The following PAH variants were observed in gnomAD, a reference collection of about 807,000 sequenced individuals.
The protein encoded by PAH is phenylalanine hydroxylase.
Under a neutral mutation model 62.0 loss-of-function variants are expected in PAH, and 64 were observed. The ratio of observed to expected loss-of-function variants is 1.03; its 90% CI spans 0.84 to 1.27. PAH has a LOEUF of 1.27. Ranked by LOEUF, PAH falls within the 50% of genes most tolerant of loss-of-function variation. The pLI is 0.00. For synonymous variants in PAH, 195 were observed against 196.2 expected, an observed-to-expected ratio of 0.99 and a Z score of 0.05; for missense variants, 579 against 542.8, an observed-to-expected ratio of 1.07 and a Z score of -0.66.
intron 8 of PAH, chr12:102,847,269 T>C (rs1874893194): frequency 2.5e-6 from 1 of 396,124 alleles, no homozygotes; most frequent in Non-Finnish European, 4.8e-6. Flanking sequence ...TGACTCCAGC[T>C]CAGTGATTAT....
chr12:102,867,206 C>A (rs1192541182), intron 4 of PAH, among the ~76,000 whole-genome samples: 1 of 152,160 alleles, frequency 6.6e-6, no homozygotes, highest in Admixed American at 6.6e-5. Context: ...GTATGATTAT[C>A]CTGTTCTTTC....
At chr12:102,915,775 T>G (rs1339561008) in intron 1 of PAH, among the ~76,000 whole-genome samples, 3 of 152,194 alleles carry the variant, frequency 2.0e-5, no homozygotes, top group African/African-American at 7.2e-5. Context: ...CCCAGGTGAT[T>G]CTTAACCATA....
intron 1 of PAH, chr12:102,958,084 T>G: frequency 6.3e-6 from 3 of 478,518 alleles, no homozygotes; most frequent in East Asian, 3.7e-5. Flanking sequence ...TCCCGGGGAT[T>G]TTGTATATAT....
upstream of PAH, among the ~76,000 whole-genome samples, chr12:102,955,637 T>A (rs572269016): frequency 2.1e-4 from 32 of 152,284 alleles, no homozygotes; most frequent in African/African-American, 7.7e-4. Context: ...GCCTGAATAA[T>A]TCCTATTTCT....
intron 4 of PAH, among the ~76,000 whole-genome samples, chr12:102,871,949 A>AATATATAT (rs1232144620): frequency 2.0e-4 from 6 of 30,334 alleles, no homozygotes; most frequent in South Asian, 1.1e-3. Context: ...AAAAAAAAAA[A>AATATATAT]ATATATATAT....
chr12:102,864,805 C>CAA (rs3062691), intron 5 of PAH, among the ~76,000 whole-genome samples: 31,258 of 131,702 alleles, frequency 0.24, 4,323 homozygotes, highest in Admixed American at 0.36. Context: ...ATAGAATCTG[C>CAA]AAAAAAAAAA....
chr12:102,907,888 G>GACT (rs1471371040), intron 2 of PAH, among the ~76,000 whole-genome samples: 1 of 152,230 alleles, frequency 6.6e-6, no homozygotes, highest in South Asian at 2.1e-4. Flanking sequence ...AAAGTGCTGG[G>GACT]ACTACAGGTG....
chr12:102,841,980 G>A (rs1483848456), intron 11 of PAH, among the ~76,000 whole-genome samples: 1 of 152,208 alleles, frequency 6.6e-6, no homozygotes. Context: ...AAAGGGATGT[G>A]CAGATTCCTT....
intron 2 of PAH, among the ~76,000 whole-genome samples, chr12:102,902,251 G>A (rs964487474): frequency 7.2e-5 from 11 of 152,214 alleles, no homozygotes; most frequent in African/African-American, 2.7e-4. Flanking sequence ...GGCAGAGTGA[G>A]CAGGAAGCGG....
intron 4 of PAH, among the ~76,000 whole-genome samples, chr12:102,875,279 C>G (rs1393622450): frequency 6.6e-6 from 1 of 152,058 alleles, no homozygotes; most frequent in Non-Finnish European, 1.5e-5. Context: ...AAAGCCAGTG[C>G]CAGCTGCTTT....
chr12:102,853,080 G>T (rs939853457), intron 6 of PAH, 130 bp from the exon 7 acceptor site: 20 of 971,426 alleles, frequency 2.1e-5, no homozygotes, highest in Non-Finnish European at 3.0e-5. Flanking sequence ...GGCAGACTTG[G>T]CTTCAGATGT....
chr12:102,942,707 C>A (rs1157628766), intron 1 of PAH, among the ~76,000 whole-genome samples: 7 of 152,010 alleles, frequency 4.6e-5, no homozygotes, highest in Admixed American at 3.9e-4. Flanking sequence ...GGTACTGTTA[C>A]AAAAACAGAC....
At chr12:102,878,460 G>A (rs1419443928) in intron 3 of PAH, among the ~76,000 whole-genome samples, 1 of 152,084 alleles carries the variant, frequency 6.6e-6, no homozygotes, top group Non-Finnish European at 1.5e-5. Context: ...CCAGGGAGAA[G>A]GGCAGGTGGC....
chr12:102,843,782 G>A lies in PAH; in HGVS notation c.1066-3C>T, dbSNP rs62507344. The A allele has an allele frequency of 5.1e-5, 83 of 1,613,418 alleles. No individual in the cohort carries two copies. The highest frequency in any genetic ancestry group is 5.8e-5 in the Non-Finnish European group (68 of 1,179,758). ...TTTGGCTTCTCTGATAAGCAGTACT[G>A]TAGGCCCCAAGTGAAAAGTTATTAT... On this transcript the variant is annotated splice_region_variant and splice_polypyrimidine_tract_variant and intron_variant, in intron 10 of 12. Coordinates refer to ENST00000553106, the MANE Select transcript of PAH (RefSeq NM_000277.3).
At chr12:102,893,580 T>G (rs1436395939) in intron 3 of PAH, among the ~76,000 whole-genome samples, 3 of 152,210 alleles carry the variant, frequency 2.0e-5, no homozygotes, top group Non-Finnish European at 4.4e-5. Context: ...CACCAGGCAC[T>G]GTTCTAAGCA....
upstream of PAH, among the ~76,000 whole-genome samples, chr12:102,918,560 GTTTTTTTTTGTTT>G (rs1254028093): frequency 2.0e-5 from 2 of 102,274 alleles, no homozygotes; most frequent in East Asian, 4.8e-4. Context: ...CCATGCCTCA[GTTTTTTTTTGTTT>G]TTTTTTTTTG....
chr12:102,939,136 T>C (rs1398767032), intron 1 of PAH, among the ~76,000 whole-genome samples: 1 of 151,848 alleles, frequency 6.6e-6, no homozygotes, highest in Non-Finnish European at 1.5e-5. Flanking sequence ...AAACCCCCAC[T>C]TGGGCCTGCA....
intron 8 of PAH, 199 bp from the exon 9 acceptor site, chr12:102,847,150 C>G (rs1029034615): frequency 2.1e-5 from 13 of 607,072 alleles, no homozygotes; most frequent in Admixed American, 7.7e-5. Context: ...TCCTTCCACC[C>G]TCACTTGGCC....
chr12:102,936,789 TTG>T (rs1323578107), intron 1 of PAH, among the ~76,000 whole-genome samples: 1 of 152,218 alleles, frequency 6.6e-6, no homozygotes, highest in Non-Finnish European at 1.5e-5. Context: ...AGTGTGTTTC[TTG>T]TAGGCAACAG....
Sources: gnomAD v4.1 joint callset for allele counts (sites outside exome capture counted in the v4.1 genomes callset) on GRCh38, gnomAD v4.1.1 for gene constraint, MANE v1.5 for transcripts, NCBI Gene and HGNC (gene_info 2026-07-23, HGNC 2026-07-21) for gene names.